The following VIP variants were observed in gnomAD, a reference collection of about 807,000 sequenced individuals.
VIP encodes VIP peptides.
A neutral mutation model predicts 20.1 loss-of-function variants in VIP; 18 were observed. The observed-to-expected ratio is 0.90, with a 90% CI of 0.62 to 1.33. The LOEUF (loss-of-function observed/expected upper bound fraction) is 1.33. VIP is among the 40% of genes most tolerant of loss of function. VIP has a pLI of 0.00. For missense variants in VIP, 209 were observed against 199.4 expected (o/e 1.05, Z -0.29); for synonymous variants, 70 against 68.1 (o/e 1.03, Z -0.14).
intron 6 of VIP, among the ~76,000 whole-genome samples, chr6:152,757,780 T>C (rs1039790684): frequency 3.3e-5 from 5 of 152,020 alleles, no homozygotes; most frequent in Non-Finnish European, 5.9e-5. Flanking sequence ...GCCAACATTT[T>C]TTTTGAGCAG....
At chr6:152,756,678 T>C (rs1471069079) in intron 5 of VIP, among the ~76,000 whole-genome samples, 2 of 152,022 alleles carry the variant, frequency 1.3e-5, no homozygotes, top group Admixed American at 6.6e-5. Flanking sequence ...GTGTGCATAT[T>C]CACTACTGTT....
At position 152,752,633 on chromosome 6, in the gene VIP, A is replaced by G. The variant is rs541353039; in HGVS notation, c.107+349A>G. On this transcript the variant is annotated intron_variant, in intron 2 of 6. Coordinates refer to ENST00000367244, the MANE Select transcript of VIP (RefSeq NM_003381.4). The stretch of plus-strand genomic sequence containing the variant: ...TCAAGTCAGTTCAATTTCTGGTGGA[A>G]AAAAGCTGTTTAGTTGCCAACCACA... 4.6e-5 allele frequency among the ~76,000 whole-genome samples: 7 copies of G among 152,298 alleles called. No homozygotes were observed. In the South Asian group the frequency reaches 1.5e-3, roughly 32 times the overall value.
Position 152,755,347 on chromosome 6 carries a change from T to C in VIP, c.309T>C (p.Leu103=), listed in dbSNP as rs1470797798. 3.8e-6 allele frequency: 6 copies of C among 1,591,074 alleles called. No individual in the cohort carries two copies. Among genetic ancestry groups the C allele is most frequent in the Middle Eastern group, 1.7e-4 (1 of 5,972 alleles). ...GTCAACTTTCTGCCAAAAAGTACCT[T>C]GAGTCTCTTATGGGAAAACGTGTTA... is the stretch of plus-strand genomic sequence containing the variant. ...LLGQLSAKKY[L]ESLMGKRVSS... The change falls in exon 4 of 7, where the codon CTT becomes CTC. Residue 103 remains leucine, a synonymous_variant. Coordinates refer to ENST00000367244, the MANE Select transcript of VIP (RefSeq NM_003381.4).
In VIP at chr6:152,756,204, C is replaced by G. The variant is rs546197616; in HGVS notation, c.406C>G (p.Arg136Gly). 1 of 1,611,602 alleles carries G rather than the reference C, an allele frequency of 6.2e-7. No homozygotes were observed. Among genetic ancestry groups the G allele is most frequent in the African/African-American group, 1.3e-5 (1 of 74,730 alleles). ...SDAVFTDNYT[R>G]LRKQMAVKKY... ...TGCAGTCTTCACTGACAACTATACC[C>G]GCCTTAGAAAACAAATGGCTGTAAA... Residue 136 changes from arginine (R) to glycine (G), a missense_variant, in exon 5 of 7, where the codon CGC becomes GGC. By Grantham distance (125) the Arg-to-Gly change is moderately radical (BLOSUM62 -2). Transcript: ENST00000367244.
intron 3 of VIP, 84 bp downstream of exon 3, chr6:152,754,372 A>G (rs1358789526): frequency 6.1e-6 from 8 of 1,317,422 alleles, no homozygotes; most frequent in Non-Finnish European, 8.3e-6. Flanking sequence ...ATTTTATCTC[A>G]CCATGAAGCT....
intron 5 of VIP, 92 bp downstream of exon 5, chr6:152,756,357 A>G: frequency 7.2e-7 from 1 of 1,398,528 alleles, no homozygotes; most frequent in Non-Finnish European, 9.7e-7. Flanking sequence ...TCACTTATCT[A>G]GCTATACTAC....
chr6:152,753,515 G>C (rs1230760484), intron 2 of VIP, among the ~76,000 whole-genome samples: 1 of 151,972 alleles, frequency 6.6e-6, no homozygotes, highest in East Asian at 1.9e-4. Flanking sequence ...TTAAAGTTGT[G>C]TTAATACATA....
At chr6:152,757,208 CT>C in intron 6 of VIP, 24 bp downstream of exon 6, 1 of 1,475,030 alleles carries the variant, frequency 6.8e-7, no homozygotes, top group Non-Finnish European at 9.4e-7. Flanking sequence ...TGCATTCCTT[CT>C]GTATTCTTAT....
chr6:152,754,530 C>T (rs979705444), intron 3 of VIP, among the ~76,000 whole-genome samples: 2 of 151,932 alleles, frequency 1.3e-5, no homozygotes, highest in African/African-American at 2.4e-5. Context: ...TTCTGTTGCA[C>T]ATAATTCCAA....
chr6:152,754,109 A>G, intron 2 of VIP, 57 bp from the exon 3 acceptor site: 1 of 1,575,252 alleles, frequency 6.3e-7, no homozygotes, highest in Non-Finnish European at 8.6e-7. Context: ...TTGCGGAACC[A>G]TACACACTGT....
chr6:152,752,272 C>G lies in VIP; in HGVS notation c.95C>G (p.Pro32Arg), dbSNP rs1184023401. The change falls in exon 2 of 7, where the codon CCT becomes CGT. Residue 32 changes from proline to arginine, a missense_variant. Physicochemically the swap from Pro to Arg is moderately radical, Grantham distance 103. Coordinates refer to ENST00000367244, the MANE Select transcript of VIP (RefSeq NM_003381.4). ...QTSAWPLYRA[P>R]SALRLGDRIP... ...TCGGCATGGCCTCTTTACAGGGCAC[C>G]TTCTGCTCTCAGGTAAGTTCCCTTT... 6.2e-7 allele frequency: 1 copy of G among 1,612,844 alleles called. No homozygotes were observed. The highest frequency in any genetic ancestry group is 2.2e-5 in the East Asian group (1 of 44,848).
At chr6:152,754,125 GA>G in intron 2 of VIP, 40 bp from the exon 3 acceptor site, 1 of 1,589,830 alleles carries the variant, frequency 6.3e-7, no homozygotes, top group Non-Finnish European at 8.6e-7. Context: ...ACTGTCTTCT[GA>G]AAAAAGAATG....
intron 5 of VIP, among the ~76,000 whole-genome samples, chr6:152,756,880 C>G (rs1029878621): frequency 6.6e-6 from 1 of 151,790 alleles, no homozygotes; most frequent in African/African-American, 2.4e-5. Context: ...AAGATGACCT[C>G]TTTGCCCACT....
intron 4 of VIP, 32 bp from the exon 5 acceptor site, chr6:152,756,102 C>G: frequency 6.7e-7 from 1 of 1,485,930 alleles, no homozygotes; most frequent in East Asian, 2.4e-5. Context: ...CTTGTGAAAA[C>G]TCTTTGATTT....
intron 4 of VIP, 140 bp from the exon 5 acceptor site, chr6:152,755,994 A>G: frequency 3.3e-6 from 3 of 905,870 alleles, no homozygotes; most frequent in Non-Finnish European, 4.6e-6. Flanking sequence ...GTTTAGTTGT[A>G]TTTTTCTTTT....
At chr6:152,757,852 T>C (rs1271385230) in intron 6 of VIP, among the ~76,000 whole-genome samples, 3 of 151,970 alleles carry the variant, frequency 2.0e-5, no homozygotes, top group Non-Finnish European at 4.4e-5. Context: ...AAATTGATTT[T>C]ATATAAATGT....
Position 152,756,245 on chromosome 6 carries a change from A to T in VIP, c.447A>T (p.Ser149=), listed in dbSNP as rs2099730409. 2.5e-6 allele frequency: 4 copies of T among 1,610,062 alleles called. No homozygotes were observed. The East Asian group carries it at 8.9e-5, about 36-fold the overall frequency. The change falls in exon 5 of 7, where the codon TCA becomes TCT. Residue 149 remains serine, a synonymous_variant. Transcript: ENST00000367244. ...KQMAVKKYLN[S]ILNGKRSSEG... is the part of the protein sequence containing the mutation. ...TGGCTGTAAAGAAATATTTGAACTC[A>T]ATTCTGAATGGAAAGAGGAGGTAAA...
At position 152,759,004 on chromosome 6, in the gene VIP, A is replaced by C. The variant is rs1329335103; in HGVS notation, c.*138A>C. 1 of 152,470 alleles carries C rather than the reference A, an allele frequency of 6.6e-6. No homozygotes were observed. The highest frequency in any genetic ancestry group is 2.4e-5 in the African/African-American group (1 of 41,438). The allele number at this position is 152,470 out of a possible 1,614,324, so 9.4% of individuals were successfully genotyped here. A position where few individuals can be genotyped will look rare whatever the true frequency, so the allele number is the denominator to read the frequency against. On this transcript the variant is annotated 3_prime_UTR_variant, in exon 7 of 7. Coordinates refer to ENST00000367244, the MANE Select transcript of VIP (RefSeq NM_003381.4). ...ACTTCAATATCCAAACCAAATAAAAATATTGTGTTGTGAATGTTGTGATGT... is the reference window on the plus strand; with the variant it reads ...ACTTCAATATCCAAACCAAATAAAACTATTGTGTTGTGAATGTTGTGATGT...
chr6:152,756,411 G>T, intron 5 of VIP, 146 bp downstream of exon 5: 1 of 931,790 alleles, frequency 1.1e-6, no homozygotes, highest in South Asian at 2.3e-5. Context: ...AGACTACCCC[G>T]CAGAACTTTA....
Sources: gnomAD v4.1 joint callset for allele counts (sites outside exome capture counted in the v4.1 genomes callset) on GRCh38, gnomAD v4.1.1 for gene constraint, MANE v1.5 for transcripts, NCBI Gene and HGNC (gene_info 2026-07-23, HGNC 2026-07-21) for gene names.